Variants in NAALADL2 observed in about 807,000 individuals in gnomAD.
The protein encoded by NAALADL2 is N-acetylated alpha-linked acidic dipeptidase like 2.
In NAALADL2, 76 loss-of-function variants were observed where a neutral mutation model predicts 87.2. The observed-to-expected ratio is 0.87, with a 90% CI of 0.72 to 1.05. The LOEUF is 1.05. Among genes scored for constraint, NAALADL2 ranks in the 50% least tolerant of loss-of-function variants. The pLI is 0.00. For missense variants in NAALADL2, 1,089 were observed against 945.8 expected (o/e 1.15, Z -1.99); for synonymous variants, 354 against 331.0 (o/e 1.07, Z -0.75).
intron 2 of NAALADL2, among the ~76,000 whole-genome samples, chr3:174,551,895 C>T (rs1393501627): frequency 6.6e-6 from 1 of 152,170 alleles, no homozygotes; most frequent in African/African-American, 2.4e-5. Context: ...GGAACATTGG[C>T]TTTGGTATCC....
intron 5 of NAALADL2, among the ~76,000 whole-genome samples, chr3:175,391,455 C>T (rs774152687): frequency 1.5e-4 from 23 of 152,188 alleles, no homozygotes; most frequent in Non-Finnish European, 2.8e-4. Context: ...ATATTGCAAA[C>T]TTCCCTTTGG....
intron 1 of NAALADL2, among the ~76,000 whole-genome samples, chr3:175,006,634 G>A (rs1360625116): frequency 2.7e-5 from 4 of 148,144 alleles, no homozygotes; most frequent in Non-Finnish European, 5.9e-5. Context: ...GGAGTTCGAG[G>A]TAGGAGGAAA....
At chr3:175,076,949 T>C (rs543973240) in intron 1 of NAALADL2, among the ~76,000 whole-genome samples, 1 of 152,300 alleles carries the variant, frequency 6.6e-6, no homozygotes, top group African/African-American at 2.4e-5. Flanking sequence ...GCATATGGTG[T>C]TCTATAATAA....
chr3:175,470,761 C>A (rs1724744857), intron 8 of NAALADL2, among the ~76,000 whole-genome samples: 1 of 151,878 alleles, frequency 6.6e-6, no homozygotes, highest in African/African-American at 2.4e-5. Flanking sequence ...TGGTAAGGAG[C>A]AGAAGAGAAG....
At chr3:175,519,936 T>A (rs988418249) in intron 9 of NAALADL2, among the ~76,000 whole-genome samples, 3 of 152,210 alleles carry the variant, frequency 2.0e-5, no homozygotes, top group African/African-American at 4.8e-5. Context: ...GTTTTTATAC[T>A]TTTTAGTGAT....
chr3:175,323,824 T>C (rs1047287122), intron 4 of NAALADL2, among the ~76,000 whole-genome samples: 1 of 150,662 alleles, frequency 6.6e-6, no homozygotes, highest in Non-Finnish European at 1.5e-5. Flanking sequence ...GAGACCATCC[T>C]GGCTGACACG....
At chr3:175,269,132 T>G (rs1471083340) in intron 4 of NAALADL2, among the ~76,000 whole-genome samples, 2 of 151,708 alleles carry the variant, frequency 1.3e-5, no homozygotes, top group Non-Finnish European at 2.9e-5. Flanking sequence ...AGAGACGGGA[T>G]TTCACCATGT....
At chr3:174,507,637 T>C (rs1184613941) in intron 1 of NAALADL2, among the ~76,000 whole-genome samples, 5 of 129,550 alleles carry the variant, frequency 3.9e-5, no homozygotes, top group Non-Finnish European at 9.4e-5. Flanking sequence ...TTTTTAGGTT[T>C]TACATAAAAG....
chr3:174,835,284 G>T (rs1723195925), intron 3 of NAALADL2, among the ~76,000 whole-genome samples: 2 of 152,050 alleles, frequency 1.3e-5, no homozygotes. Flanking sequence ...AACAATTGCT[G>T]CTGGGAAAAC....
intron 1 of NAALADL2, among the ~76,000 whole-genome samples, chr3:174,908,483 A>G (rs565139774): frequency 4.6e-5 from 7 of 152,184 alleles, no homozygotes; most frequent in South Asian, 2.1e-4. Context: ...TGGCTACAGA[A>G]ATTAGGCTTT....
intron 2 of NAALADL2, among the ~76,000 whole-genome samples, chr3:175,130,332 A>T (rs1727633238): frequency 6.6e-6 from 1 of 152,096 alleles, no homozygotes; most frequent in African/African-American, 2.4e-5. Context: ...TGCTATGAAG[A>T]AACTTTTTTA....
chr3:174,661,007 A>G (rs1340462500), intron 2 of NAALADL2, among the ~76,000 whole-genome samples: 4 of 152,198 alleles, frequency 2.6e-5, no homozygotes, highest in Admixed American at 2.6e-4. Context: ...ATCATTATTG[A>G]TGGTTATTTA....
intron 1 of NAALADL2, among the ~76,000 whole-genome samples, chr3:175,078,153 T>C (rs1332119317): frequency 6.6e-6 from 1 of 151,624 alleles, no homozygotes; most frequent in East Asian, 1.9e-4. Flanking sequence ...GCCTCCTGAG[T>C]AGGTGGAATT....
intron 2 of NAALADL2, among the ~76,000 whole-genome samples, chr3:174,557,837 A>G (rs1009991512): frequency 6.6e-6 from 1 of 152,138 alleles, no homozygotes; most frequent in Admixed American, 6.5e-5. Context: ...CAGTGAAAAG[A>G]AAGGGTGTAT....
intron 10 of NAALADL2, among the ~76,000 whole-genome samples, chr3:175,616,057 G>T (rs1725310630): frequency 6.9e-6 from 1 of 145,106 alleles, no homozygotes; most frequent in Admixed American, 7.0e-5. Flanking sequence ...TATATAATAT[G>T]ATATATTTTA....
intron 11 of NAALADL2, among the ~76,000 whole-genome samples, chr3:175,663,826 T>G (rs962558994): frequency 1.3e-5 from 2 of 151,926 alleles, no homozygotes; most frequent in Non-Finnish European, 2.9e-5. Flanking sequence ...TTTGTAATAT[T>G]AAAGAATACG....
intron 11 of NAALADL2, among the ~76,000 whole-genome samples, chr3:175,692,635 G>A (rs1737205556): frequency 6.6e-6 from 1 of 152,150 alleles, no homozygotes; most frequent in South Asian, 2.1e-4. Flanking sequence ...TGGAAAATAA[G>A]ACTTTGTGGA....
chr3:175,683,993 G>A (rs556901822), intron 11 of NAALADL2, among the ~76,000 whole-genome samples: 1 of 152,122 alleles, frequency 6.6e-6, no homozygotes, highest in African/African-American at 2.4e-5. Flanking sequence ...ATTACTGTTT[G>A]TTGTAACATT....
intron 10 of NAALADL2, among the ~76,000 whole-genome samples, chr3:175,591,784 G>GTATATATATATATATA (rs57196350): frequency 1.5e-5 from 2 of 137,056 alleles, no homozygotes; most frequent in Non-Finnish European, 3.1e-5. Flanking sequence ...GTGTGTGTGT[G>GTATATATATATATATA]TATATATATA....
Sources: gnomAD v4.1 joint callset for allele counts (sites outside exome capture counted in the v4.1 genomes callset) on GRCh38, gnomAD v4.1.1 for gene constraint, MANE v1.5 for transcripts, NCBI Gene and HGNC (gene_info 2026-07-23, HGNC 2026-07-21) for gene names.